PLEKHG1: variants seen among roughly 807,000 people sequenced by gnomAD.
The protein encoded by PLEKHG1 is pleckstrin homology domain-containing family G member 1.
PLEKHG1 carries 44 observed loss-of-function variants against 100.8 expected under a neutral mutation model. The ratio of observed to expected loss-of-function variants is 0.44; its 90% CI spans 0.34 to 0.56. The LOEUF is 0.56. Among genes scored for constraint, PLEKHG1 ranks in the 20% least tolerant of loss-of-function variants. PLEKHG1 has a pLI of 0.01. For missense variants in PLEKHG1, 1,545 were observed against 1,720.9 expected (o/e 0.90, Z 1.81); for synonymous variants, 640 against 662.5 (o/e 0.97, Z 0.52).
At chr6:150,681,148 TAGCG>T (rs1440511278) in intron 3 of PLEKHG1, among the ~76,000 whole-genome samples, 7 of 152,314 alleles carry the variant, frequency 4.6e-5, no homozygotes, top group African/African-American at 1.7e-4. Context: ...GCATGGGAGT[TAGCG>T]AGTGGTCGGG....
intron 2 of PLEKHG1, among the ~76,000 whole-genome samples, chr6:150,763,789 T>C (rs1351655013): frequency 6.6e-6 from 1 of 152,182 alleles, no homozygotes; most frequent in African/African-American, 2.4e-5. Context: ...CATGTACTCA[T>C]TGACTTTAAC....
intron 3 of PLEKHG1, among the ~76,000 whole-genome samples, chr6:150,702,515 G>A (rs1434680475): frequency 1.3e-5 from 2 of 150,198 alleles, no homozygotes; most frequent in Admixed American, 1.3e-4. Context: ...AAAGGGCATT[G>A]GGAACCTCTC....
chr6:150,824,567 G>T (rs1356410608), intron 14 of PLEKHG1, among the ~76,000 whole-genome samples: 1 of 151,654 alleles, frequency 6.6e-6, no homozygotes, highest in African/African-American at 2.4e-5. Flanking sequence ...TGTTGCCCAG[G>T]CTGGAGTGCA....
intron 3 of PLEKHG1, among the ~76,000 whole-genome samples, chr6:150,653,474 G>A (rs1045677441): frequency 6.6e-6 from 1 of 152,088 alleles, no homozygotes; most frequent in Admixed American, 6.6e-5. Context: ...TGGGCGCAGT[G>A]GCTCACGACT....
At chr6:150,796,981 TTTTTG>T (rs200366588) in intron 5 of PLEKHG1, among the ~76,000 whole-genome samples, 1 of 151,984 alleles carries the variant, frequency 6.6e-6, no homozygotes, top group Admixed American at 6.6e-5. Flanking sequence ...TTATGGGGTT[TTTTTG>T]TTTTGTTTTG....
rs542295080 is a variant in PLEKHG1 at position 150,671,573 on chromosome 6, T to C, written c.-99+20787T>C. Among the ~76,000 whole-genome samples the C allele has an allele frequency of 2.0e-5, 3 of 152,330 alleles. No homozygotes were observed. In the East Asian group the frequency reaches 5.8e-4, roughly 29 times the overall value. On this transcript the variant is annotated intron_variant, in intron 3 of 3. Transcript: ENST00000367326. Reference sequence around the variant, plus strand: ...TCCATATGCCGGGCACTGTAGTAAGTGCTGAGGAGACAGTGCTTACATTGG... The same window carrying C: ...TCCATATGCCGGGCACTGTAGTAAGCGCTGAGGAGACAGTGCTTACATTGG...
upstream of PLEKHG1, among the ~76,000 whole-genome samples, chr6:150,717,287 A>C (rs903627860): frequency 6.6e-5 from 10 of 150,980 alleles, no homozygotes; most frequent in East Asian, 1.8e-3. Flanking sequence ...TAATCCGCCC[A>C]CCTCAGCCTC....
intron 3 of PLEKHG1, among the ~76,000 whole-genome samples, chr6:150,682,547 G>A (rs1779970941): frequency 6.6e-6 from 1 of 152,002 alleles, no homozygotes; most frequent in African/African-American, 2.4e-5. Context: ...GGAAGGCAGA[G>A]GGAGACTAAA....
At chr6:150,821,539 C>G (rs1583197284) in intron 13 of PLEKHG1, among the ~76,000 whole-genome samples, 1 of 152,082 alleles carries the variant, frequency 6.6e-6, no homozygotes, top group South Asian at 2.1e-4. Context: ...CAAAAATTAG[C>G]CAGTCCCAGT....
rs561692165 is a variant in PLEKHG1 at position 150,691,279 on chromosome 6, G to A, written c.-99+40493G>A. On this transcript the variant is annotated intron_variant, in intron 3 of 3. Coordinates refer to the PLEKHG1 transcript ENST00000367326. Reference sequence around the variant, plus strand: ...CCAACCTGGTCATGAAATCCTTTAAGTATTTTTCAATCTACTGGTATTTTT... The same window carrying A: ...CCAACCTGGTCATGAAATCCTTTAAATATTTTTCAATCTACTGGTATTTTT... Among the ~76,000 whole-genome samples, 5 of 152,156 alleles carry A rather than the reference G, an allele frequency of 3.3e-5. No individual in the cohort carries two copies. In the East Asian group the frequency reaches 7.7e-4, roughly 23 times the overall value.
chr6:150,696,606 C>T (rs1562442780), intron 3 of PLEKHG1, among the ~76,000 whole-genome samples: 1 of 152,138 alleles, frequency 6.6e-6, no homozygotes, highest in Non-Finnish European at 1.5e-5. Flanking sequence ...CAGCTCCATG[C>T]AAACTGCACA....
chr6:150,701,465 AT>A (rs1562446618), intron 3 of PLEKHG1, among the ~76,000 whole-genome samples: 74 of 83,788 alleles, frequency 8.8e-4, no homozygotes, highest in African/African-American at 1.4e-3. Context: ...ATATATATAT[AT>A]AATTATACTT....
chr6:150,739,292 A>G (rs1471663112), intron 2 of PLEKHG1, among the ~76,000 whole-genome samples: 1 of 152,126 alleles, frequency 6.6e-6, no homozygotes, highest in African/African-American at 2.4e-5. Context: ...TTACAACGTG[A>G]TTTTATCTCT....
chr6:150,720,663 C>T (rs1397134232), upstream of PLEKHG1, among the ~76,000 whole-genome samples: 1 of 151,566 alleles, frequency 6.6e-6, no homozygotes, highest in Non-Finnish European at 1.5e-5. Context: ...AAGATGTGTC[C>T]GTTTACTTTG....
At chr6:150,646,644 A>G (rs569342137) in intron 2 of PLEKHG1, among the ~76,000 whole-genome samples, 1 of 152,262 alleles carries the variant, frequency 6.6e-6, no homozygotes, top group African/African-American at 2.4e-5. Flanking sequence ...AGGGGTTTTT[A>G]TGTTGCAGTG....
At chr6:150,755,385 C>A (rs1686308883) in intron 2 of PLEKHG1, among the ~76,000 whole-genome samples, 1 of 152,166 alleles carries the variant, frequency 6.6e-6, no homozygotes, top group Admixed American at 6.5e-5. Flanking sequence ...CTTCCTACGG[C>A]ACTGGTATTG....
rs200045272 is a variant in PLEKHG1 at position 150,733,983 on chromosome 6, C to T, written c.302C>T (p.Thr101Met). The T allele has an allele frequency of 6.2e-6, 10 of 1,614,156 alleles. No individual in the cohort carries two copies. Among genetic ancestry groups the T allele is most frequent in the Admixed American group, 5.0e-5 (3 of 60,030 alleles). The change falls in exon 2 of 16, where the codon ACG becomes ATG. Residue 101 changes from threonine to methionine, a missense_variant. Physicochemically the swap from Thr to Met is moderately conservative, Grantham distance 81 (BLOSUM62 -1). Coordinates refer to ENST00000358517, the Ensembl canonical transcript of PLEKHG1. ...GTGGACTCAAACGGGGCACCCAAGACGATCGCAGACTCGGCCACGAGCCCC... is the reference window on the plus strand; with the variant it reads ...GTGGACTCAAACGGGGCACCCAAGATGATCGCAGACTCGGCCACGAGCCCC...
At chr6:150,765,780 TAGA>T (rs545429290) in intron 2 of PLEKHG1, among the ~76,000 whole-genome samples, 9 of 152,210 alleles carry the variant, frequency 5.9e-5, no homozygotes, top group African/African-American at 1.4e-4. Flanking sequence ...CTAGAAAAGT[TAGA>T]AGAAGAATAA....
intron 3 of PLEKHG1, among the ~76,000 whole-genome samples, chr6:150,710,464 T>C (rs954815790): frequency 8.5e-5 from 13 of 152,110 alleles, no homozygotes; most frequent in Non-Finnish European, 2.9e-5. Flanking sequence ...GTCCAAGCGA[T>C]GAGGCAGGAA....
Sources: allele counts gnomAD v4.1 joint callset (sites outside exome capture counted in the v4.1 genomes callset), GRCh38; gene constraint gnomAD v4.1.1; transcripts MANE v1.5; gene names NCBI Gene and HGNC (gene_info 2026-07-23, HGNC 2026-07-21).